KBTBD3: variants seen among roughly 807,000 people sequenced by gnomAD.
KBTBD3 encodes the protein kelch repeat and BTB domain containing 3.
A neutral mutation model predicts 49.6 loss-of-function variants in KBTBD3; 38 were observed. The ratio of observed to expected loss-of-function variants is 0.77; its 90% CI spans 0.59 to 1.00. The LOEUF is 1.00. KBTBD3 is among the 50% of genes least tolerant of loss of function. The pLI, the probability that KBTBD3 is intolerant of heterozygous loss-of-function variation, is 0.00. For synonymous variants in KBTBD3, 214 were observed against 250.4 expected (o/e 0.85, Z 1.37); for missense variants, 661 against 712.0 (o/e 0.93, Z 0.81).
rs1290603078 is a variant in KBTBD3, at chr11:106,053,421, T to C, written c.1268A>G (p.Asp423Gly). The change falls in exon 4 of 4, where the codon GAT becomes GGT. Residue 423 changes from aspartate to glycine, a missense_variant. Physicochemically the swap from Asp to Gly is moderately conservative, Grantham distance 94. Transcript: ENST00000531837. ...RGSRDIKSLL[D>G]VESYNPLSKE... ...GGAAAGAGGATTGTAAGATTCAACA[T>C]CTAAGAGACTTTTAATGTCCCGGGA... 2 of 1,613,412 alleles carry C rather than the reference T, an allele frequency of 1.2e-6. No individual in the cohort carries two copies. The highest frequency in any genetic ancestry group is 1.7e-6 in the Non-Finnish European group (2 of 1,179,786).
intron 2 of KBTBD3, among the ~76,000 whole-genome samples, chr11:106,069,839 C>T (rs956872558): frequency 1.3e-5 from 2 of 151,890 alleles, no homozygotes; most frequent in Non-Finnish European, 2.9e-5. Flanking sequence ...AGGGAAGTAT[C>T]AGTCTACCTG....
intron 2 of KBTBD3, among the ~76,000 whole-genome samples, chr11:106,064,601 G>C (rs932779824): frequency 6.6e-6 from 1 of 151,712 alleles, no homozygotes; most frequent in African/African-American, 2.4e-5. Context: ...TATGCAAAAG[G>C]GCACGCAAAG....
chr11:106,059,312 A>G (rs555348116), intron 2 of KBTBD3, among the ~76,000 whole-genome samples: 1 of 152,246 alleles, frequency 6.6e-6, no homozygotes, highest in Non-Finnish European at 1.5e-5. Flanking sequence ...TCATTGGAAT[A>G]AAAGTATATT....
At chr11:106,075,626 T>A (rs1219357814) in intron 2 of KBTBD3, 2 of 152,158 alleles carry the variant, frequency 1.3e-5, no homozygotes, top group Admixed American at 1.3e-4. Flanking sequence ...CTCTGGAGAA[T>A]TTGTAAAACC....
chr11:106,076,168 C>T (rs970591313), intron 2 of KBTBD3: 2 of 152,188 alleles, frequency 1.3e-5, no homozygotes, highest in African/African-American at 4.8e-5. Context: ...GTATCACTTA[C>T]GTATCTTTAC....
At chr11:106,062,405 A>G (rs1196171650) in intron 2 of KBTBD3, among the ~76,000 whole-genome samples, 3 of 152,210 alleles carry the variant, frequency 2.0e-5, no homozygotes, top group African/African-American at 7.2e-5. Flanking sequence ...AGTTAGCTGG[A>G]TACCCAGGAG....
intron 2 of KBTBD3, among the ~76,000 whole-genome samples, chr11:106,074,378 T>C (rs1054960232): frequency 7.2e-5 from 11 of 152,196 alleles, no homozygotes; most frequent in Middle Eastern, 3.2e-3. Flanking sequence ...TTCCTTTCTT[T>C]TACTCCATTA....
At chr11:106,074,166 C>T (rs184601902) in intron 2 of KBTBD3, among the ~76,000 whole-genome samples, 1 of 151,932 alleles carries the variant, frequency 6.6e-6, no homozygotes, top group Admixed American at 6.5e-5. Context: ...CTTCTCCCAC[C>T]CTACTAGACA....
At position 106,053,394 on chromosome 11, in the gene KBTBD3, T is replaced by C. The variant is rs779303717; in HGVS notation, c.1295A>G (p.Lys432Arg). 6.2e-7 allele frequency: 1 copy of C among 1,613,450 alleles called. No individual in the cohort carries two copies. Among genetic ancestry groups the C allele is most frequent in the South Asian group, 1.1e-5 (1 of 91,066 alleles). ...TAATGGGCTAACAGATATCCATTCTTTGGAAAGAGGATTGTAAGATTCAAC... is the reference window on the plus strand; with the variant it reads ...TAATGGGCTAACAGATATCCATTCTCTGGAAAGAGGATTGTAAGATTCAAC... Reference protein sequence around the residue: ...LDVESYNPLSKEWISVSPLPR... With the variant: ...LDVESYNPLSREWISVSPLPR... Residue 432 changes from lysine to arginine, a missense_variant, in exon 4 of 4, where the codon AAA becomes AGA. Physicochemically the swap from Lys to Arg is conservative, Grantham distance 26. Coordinates refer to ENST00000531837, the MANE Select transcript of KBTBD3 (RefSeq NM_198439.3).
At chr11:106,065,400 T>C (rs1860789651) in intron 2 of KBTBD3, among the ~76,000 whole-genome samples, 1 of 152,046 alleles carries the variant, frequency 6.6e-6, no homozygotes. Context: ...GAAAATATAG[T>C]GGAAAATAGA....
At chr11:106,069,572 T>TATG (rs1473124045) in intron 2 of KBTBD3, among the ~76,000 whole-genome samples, 4 of 151,362 alleles carry the variant, frequency 2.6e-5, no homozygotes, top group Admixed American at 1.3e-4. Context: ...ACAGGACTTG[T>TATG]ATGCTGAAAA....
intron 2 of KBTBD3, among the ~76,000 whole-genome samples, chr11:106,069,769 A>C (rs1264273540): frequency 6.6e-6 from 1 of 152,018 alleles, no homozygotes; most frequent in African/African-American, 2.4e-5. Context: ...ATTACTGTAA[A>C]ATTTATATGT....
chr11:106,069,307 C>G (rs377371692), intron 2 of KBTBD3, among the ~76,000 whole-genome samples: 1 of 151,964 alleles, frequency 6.6e-6, no homozygotes, highest in East Asian at 1.9e-4. Context: ...AAAACTGCCT[C>G]TATTTGCAAA....
intron 2 of KBTBD3, among the ~76,000 whole-genome samples, chr11:106,061,361 CA>C (rs1860691181): frequency 6.6e-6 from 1 of 152,144 alleles, no homozygotes; most frequent in Non-Finnish European, 1.5e-5. Flanking sequence ...TGTAAGTAAA[CA>C]AAACTAAAAA....
chr11:106,053,028 TA>T lies in KBTBD3; in HGVS notation c.1660del (p.Tyr554IlefsTer3). 6.2e-7 allele frequency: 1 copy of T among 1,613,686 alleles called. No homozygotes were observed. Among genetic ancestry groups the T allele is most frequent in the Non-Finnish European group, 8.5e-7 (1 of 1,179,736 alleles). Reference sequence around the variant, plus strand: ...TGGTGCATAATCACCACCTAATATATAAATTTTATCTTCAATTCCAATTGCA... The same window carrying T: ...TGGTGCATAATCACCACCTAATATATAATTTTATCTTCAATTCCAATTGCA... ...AGAIGIEDKI[Y>X]ILGGDYAPDE... On this transcript the variant is annotated frameshift_variant, in exon 4 of 4. Coordinates refer to ENST00000531837, the MANE Select transcript of KBTBD3 (RefSeq NM_198439.3). LOFTEE classifies it high-confidence loss of function.
At chr11:106,062,041 G>A (rs1294816297) in intron 2 of KBTBD3, among the ~76,000 whole-genome samples, 1 of 151,740 alleles carries the variant, frequency 6.6e-6, no homozygotes, top group African/African-American at 2.4e-5. Context: ...CTGTGTGAAT[G>A]TGTGTGTGGC....
intron 3 of KBTBD3, among the ~76,000 whole-genome samples, chr11:106,057,007 G>T (rs921665523): frequency 2.0e-5 from 3 of 152,198 alleles, no homozygotes; most frequent in Admixed American, 6.5e-5. Flanking sequence ...GAAATAAAAA[G>T]AATAGATGAA....
At chr11:106,070,232 G>T (rs1860891432) in intron 2 of KBTBD3, among the ~76,000 whole-genome samples, 1 of 151,656 alleles carries the variant, frequency 6.6e-6, no homozygotes, top group East Asian at 1.9e-4. Context: ...ACACATAAAT[G>T]AAAAAAATTA....
chr11:106,059,801 T>C (rs909367386), intron 2 of KBTBD3, among the ~76,000 whole-genome samples: 1 of 152,130 alleles, frequency 6.6e-6, no homozygotes, highest in Non-Finnish European at 1.5e-5. Flanking sequence ...CAAATTCAGC[T>C]CTAAACATAA....
Sources: allele counts gnomAD v4.1 joint callset (sites outside exome capture counted in the v4.1 genomes callset), GRCh38; gene constraint gnomAD v4.1.1; transcripts MANE v1.5; gene names NCBI Gene and HGNC (gene_info 2026-07-23, HGNC 2026-07-21).